Variants in JMJD1C observed in about 807,000 individuals in gnomAD.
JMJD1C encodes jumonji domain containing 1C.
In JMJD1C, 31 loss-of-function variants were observed where a neutral mutation model predicts 245.3. That is an observed-to-expected ratio of 0.13 (90% confidence interval 0.09 to 0.17). The LOEUF (loss-of-function observed/expected upper bound fraction) is 0.17, where lower values mean the gene tolerates loss of function less well. JMJD1C is among the 10% of genes least tolerant of loss of function. The pLI is 1.00. For missense variants in JMJD1C, 2,691 were observed against 3,000.2 expected (o/e 0.90, Z 2.41); for synonymous variants, 1,057 against 1,017.4 (o/e 1.04, Z -0.74).
chr10:63,247,252 A>G (rs1468174123), intron 3 of JMJD1C, among the ~76,000 whole-genome samples: 2 of 151,916 alleles, frequency 1.3e-5, no homozygotes, highest in African/African-American at 2.4e-5. Context: ...TTAGAAATGG[A>G]AAAAAAAGAT....
At chr10:63,305,771 A>G (rs528185961) in intron 2 of JMJD1C, among the ~76,000 whole-genome samples, 2 of 151,688 alleles carry the variant, frequency 1.3e-5, no homozygotes, top group South Asian at 4.2e-4. Context: ...CATTTTTCTG[A>G]TATTTCTTCT....
chr10:63,223,199 T>C (rs558210171), intron 3 of JMJD1C, among the ~76,000 whole-genome samples: 1 of 146,504 alleles, frequency 6.8e-6, no homozygotes, highest in East Asian at 2.0e-4. Context: ...TTCCATAATA[T>C]AGGGAATTAT....
At chr10:63,505,500 T>C (rs1418441779) in intron 1 of JMJD1C, among the ~76,000 whole-genome samples, 1 of 152,106 alleles carries the variant, frequency 6.6e-6, no homozygotes, top group African/African-American at 2.4e-5. Context: ...TGAATGGGAT[T>C]GGAAGCTTCA....
chr10:63,180,918 G>A (rs966561890), intron 22 of JMJD1C, among the ~76,000 whole-genome samples: 31 of 152,080 alleles, frequency 2.0e-4, no homozygotes, highest in Non-Finnish European at 2.6e-4. Context: ...ACAGGCGCCC[G>A]CCACTACGCC....
At chr10:63,309,494 CAAAAAAAAAA>C (rs71025153) in intron 2 of JMJD1C, among the ~76,000 whole-genome samples, 13 of 49,424 alleles carry the variant, frequency 2.6e-4, no homozygotes, top group African/African-American at 5.2e-4. Flanking sequence ...GACTCCATCT[CAAAAAAAAAA>C]AAAAAAAAAA....
chr10:63,322,802 C>CA (rs58263377), intron 2 of JMJD1C, among the ~76,000 whole-genome samples: 1,505 of 73,652 alleles, frequency 0.02, 54 homozygotes, highest in African/African-American at 0.046. Context: ...GATTCCATCT[C>CA]AAAAAAAAAA....
At chr10:63,179,113 G>A (rs970551933) in intron 22 of JMJD1C, among the ~76,000 whole-genome samples, 2 of 152,082 alleles carry the variant, frequency 1.3e-5, no homozygotes, top group African/African-American at 4.8e-5. Context: ...ACGGATGACT[G>A]GATAAAGAAA....
intron 1 of JMJD1C, among the ~76,000 whole-genome samples, chr10:63,382,378 T>A (rs552164533): frequency 2.0e-4 from 30 of 152,224 alleles, no homozygotes; most frequent in African/African-American, 6.5e-4. Context: ...ACAAAGGTAG[T>A]CAATGGTACA....
At chr10:63,347,995 T>C (rs1303560625) in intron 2 of JMJD1C, among the ~76,000 whole-genome samples, 1 of 151,926 alleles carries the variant, frequency 6.6e-6, no homozygotes, top group East Asian at 1.9e-4. Flanking sequence ...GGCAGATCAC[T>C]TGAGGTCAGG....
In JMJD1C at chr10:63,214,005, C is replaced by A. The variant is rs1847669608; in HGVS notation, c.2162G>T (p.Gly721Val). The A allele has an allele frequency of 6.2e-7, 1 of 1,614,028 alleles. No homozygotes were observed. ...AATATGATTAGCTCCTGTTTCTGAC[C>A]CAATAAGTGCAGGATCTCTGTAAAC... ...FTVYRDPALI[G>V]SETGANHISP... The change falls in exon 8 of 26, where the codon GGG becomes GTG. Residue 721 changes from glycine to valine, a missense_variant. Gly to Val is a moderately radical substitution (Grantham distance 109). Coordinates refer to ENST00000399262, the MANE Select transcript of JMJD1C (RefSeq NM_032776.3).
chr10:63,348,578 T>C (rs1944055207), intron 2 of JMJD1C, among the ~76,000 whole-genome samples: 1 of 152,142 alleles, frequency 6.6e-6, no homozygotes, highest in African/African-American at 2.4e-5. Context: ...AAAATGGAGA[T>C]AATAAGGATG....
intron 2 of JMJD1C, chr10:63,301,937 T>C (rs1223082212): frequency 1.4e-5 from 4 of 288,406 alleles, no homozygotes; most frequent in Non-Finnish European, 2.1e-5. Flanking sequence ...CCATTTCCTA[T>C]GAGTACATAC....
At chr10:63,234,493 TAAAAAAA>T (rs71025129) in intron 3 of JMJD1C, among the ~76,000 whole-genome samples, 59 of 37,038 alleles carry the variant, frequency 1.6e-3, no homozygotes, top group African/African-American at 4.7e-3. Context: ...AACCTCCTCT[TAAAAAAA>T]AAAAAAAAAA....
intron 1 of JMJD1C, among the ~76,000 whole-genome samples, chr10:63,403,739 T>A (rs530814456): frequency 9.9e-5 from 15 of 152,176 alleles, no homozygotes; most frequent in Admixed American, 7.9e-4. Context: ...GAGTTTGAGA[T>A]CAACCTGGCC....
At chr10:63,355,167 T>A (rs368685448) in intron 2 of JMJD1C, among the ~76,000 whole-genome samples, 33 of 152,216 alleles carry the variant, frequency 2.2e-4, no homozygotes, top group African/African-American at 6.0e-4. Context: ...TACTTTTTTT[T>A]AAACATTTTG....
chr10:63,176,776 G>T, intron 23 of JMJD1C: 1 of 219,892 alleles, frequency 4.5e-6, no homozygotes, highest in Admixed American at 5.5e-5. Context: ...CAAAAGTATA[G>T]CACATGGATG....
chr10:63,230,344 C>A (rs987871917), intron 3 of JMJD1C, among the ~76,000 whole-genome samples: 7 of 152,144 alleles, frequency 4.6e-5, no homozygotes, highest in Admixed American at 4.6e-4. Context: ...TGCACTCCAG[C>A]CTGGGCAACA....
Position 63,262,403 on chromosome 10 carries a change from C to CT in JMJD1C, c.447+2247dup, listed in dbSNP as rs1212362759. ...TTTTCATTCAAAATAAGATAAATGTCTATCATTTACACATGGGAGAAAATA... is the reference window on the plus strand; with the variant it reads ...TTTTCATTCAAAATAAGATAAATGTCTTATCATTTACACATGGGAGAAAATA... On this transcript the variant is annotated intron_variant, in intron 3 of 25. Coordinates refer to ENST00000399262, the MANE Select transcript of JMJD1C (RefSeq NM_032776.3). Among the ~76,000 whole-genome samples, 32 of 151,988 alleles carry CT rather than the reference C, an allele frequency of 2.1e-4. 1 individual carries two copies.
intron 3 of JMJD1C, among the ~76,000 whole-genome samples, chr10:63,231,694 T>C (rs1850020546): frequency 6.6e-6 from 1 of 151,982 alleles, no homozygotes; most frequent in Non-Finnish European, 1.5e-5. Context: ...CTCAGGAGGC[T>C]GAGACAGGAG....
Sources: gnomAD v4.1 joint callset for allele counts (sites outside exome capture counted in the v4.1 genomes callset) on GRCh38, gnomAD v4.1.1 for gene constraint, MANE v1.5 for transcripts, NCBI Gene and HGNC (gene_info 2026-07-23, HGNC 2026-07-21) for gene names.